The following HTR3B variants were observed in gnomAD, a reference collection of about 807,000 sequenced individuals.
HTR3B encodes 5-hydroxytryptamine receptor 3B.
In HTR3B, 44 loss-of-function variants were observed where a neutral mutation model predicts 42.8. The ratio of observed to expected loss-of-function variants is 1.03; its 90% CI spans 0.81 to 1.32. HTR3B has a LOEUF of 1.32. HTR3B is among the 40% of genes most tolerant of loss of function. The pLI, the probability that HTR3B is intolerant of heterozygous loss-of-function variation, is 0.00. For synonymous variants in HTR3B, 203 were observed against 209.0 expected, an observed-to-expected ratio of 0.97 and a Z score of 0.25; for missense variants, 527 against 536.5, an observed-to-expected ratio of 0.98 and a Z score of 0.17.
Position 113,946,344 on chromosome 11 carries a change from A to G in HTR3B, c.*207A>G, listed in dbSNP as rs1023208337. 2.5e-5 allele frequency: 2 copies of G among 81,116 alleles called. No individual in the cohort carries two copies. The highest frequency in any genetic ancestry group is 5.6e-5 in the Non-Finnish European group (2 of 35,428). 5.0% of individuals were successfully genotyped at this position (81,116 alleles called of 1,614,324 possible). A position where few individuals can be genotyped will look rare whatever the true frequency, so the allele number is the denominator to read the frequency against. ...AGTGAGACCACATCTCTACCAGTAA[A>G]TAAATAAATAAATAAATAAATAAAT... is the stretch of plus-strand genomic sequence containing the variant. On this transcript the variant is annotated 3_prime_UTR_variant, in exon 9 of 9. Transcript: ENST00000260191.
rs545622410 is a variant in HTR3B, at chr11:113,906,452, A to G, written c.52+1467A>G. Among the ~76,000 whole-genome samples the G allele has an allele frequency of 1.7e-4, 26 of 152,278 alleles. No individual in the cohort carries two copies. The South Asian group carries it at 5.2e-3, about 30-fold the overall frequency. ...CCTGTAAGCTAACTTTATTTTGGATATTCATGACAATCAGATAAGACAGCA... is the reference window on the plus strand; with the variant it reads ...CCTGTAAGCTAACTTTATTTTGGATGTTCATGACAATCAGATAAGACAGCA... On this transcript the variant is annotated intron_variant, in intron 1 of 8. Coordinates refer to ENST00000260191, the MANE Select transcript of HTR3B (RefSeq NM_006028.5).
intron 2 of HTR3B, among the ~76,000 whole-genome samples, chr11:113,909,714 G>C (rs1209129573): frequency 6.6e-6 from 1 of 152,148 alleles, no homozygotes; most frequent in Non-Finnish European, 1.5e-5. Context: ...TGGGTGTGGT[G>C]GCTCATGCCT....
intron 2 of HTR3B, among the ~76,000 whole-genome samples, chr11:113,922,053 C>T (rs887736375): frequency 6.6e-6 from 1 of 152,132 alleles, no homozygotes; most frequent in African/African-American, 2.4e-5. Flanking sequence ...GTAAGTCATT[C>T]ATTCTGCTAT....
At chr11:113,937,108 G>A (rs1440497127) in intron 6 of HTR3B, among the ~76,000 whole-genome samples, 1 of 152,156 alleles carries the variant, frequency 6.6e-6, no homozygotes, top group African/African-American at 2.4e-5. Flanking sequence ...GAATTTAAAG[G>A]CACCAGCTCC....
the HTR3B span, among the ~76,000 whole-genome samples, chr11:113,899,766 C>T: frequency 6.6e-6 from 1 of 152,078 alleles, no homozygotes; most frequent in Non-Finnish European, 1.5e-5. Context: ...AGACATCGGT[C>T]GATCTAATAG....
At chr11:113,905,910 G>A (rs1389425631) in intron 1 of HTR3B, among the ~76,000 whole-genome samples, 3 of 151,978 alleles carry the variant, frequency 2.0e-5, no homozygotes, top group African/African-American at 7.3e-5. Flanking sequence ...TAAAAATCCT[G>A]GATGTTGAAC....
intron 6 of HTR3B, among the ~76,000 whole-genome samples, chr11:113,934,202 C>T (rs1006160569): frequency 1.3e-5 from 2 of 152,138 alleles, no homozygotes; most frequent in African/African-American, 2.4e-5. Flanking sequence ...GTCTGGCCAA[C>T]ATGGCAAAAC....
chr11:113,899,763 G>A, the HTR3B span, among the ~76,000 whole-genome samples: 1 of 152,060 alleles, frequency 6.6e-6, no homozygotes, highest in Non-Finnish European at 1.5e-5. Context: ...AAAAGACATC[G>A]GTCGATCTAA....
At position 113,933,101 on chromosome 11, in the gene HTR3B, C is replaced by A. The variant is rs1248197584; in HGVS notation, c.696+8C>A. 2 of 1,609,566 alleles carry A rather than the reference C, an allele frequency of 1.2e-6. No homozygotes were observed. The highest frequency in any genetic ancestry group is 8.5e-7 in the Non-Finnish European group (1 of 1,177,106). On this transcript the variant is annotated splice_region_variant and intron_variant, in intron 6 of 8. Transcript: ENST00000260191. ...GCACAGATTCAGTTTAATGTAGGTT[C>A]TTTACTACCTGTCCCCGTTGCCCGC...
At chr11:113,919,495 G>C (rs938904249) in intron 2 of HTR3B, among the ~76,000 whole-genome samples, 2 of 152,092 alleles carry the variant, frequency 1.3e-5, no homozygotes, top group Admixed American at 1.3e-4. Flanking sequence ...CTGAGAATTA[G>C]GCATTTAAAT....
intron 1 of HTR3B, among the ~76,000 whole-genome samples, chr11:113,906,784 G>A (rs1405770363): frequency 6.6e-6 from 1 of 152,108 alleles, no homozygotes; most frequent in Non-Finnish European, 1.5e-5. Flanking sequence ...TCCCTCATCT[G>A]CAGGAATAGT....
intron 2 of HTR3B, among the ~76,000 whole-genome samples, chr11:113,930,487 C>CTTTTT (rs528919776): frequency 2.5e-5 from 3 of 121,940 alleles, no homozygotes; most frequent in African/African-American, 6.3e-5. Context: ...TTTCTTTTCT[C>CTTTTT]TTTTTTTTTT....
intron 6 of HTR3B, among the ~76,000 whole-genome samples, chr11:113,936,291 GA>G (rs1475005149): frequency 1.3e-5 from 2 of 152,150 alleles, no homozygotes; most frequent in Non-Finnish European, 2.9e-5. Flanking sequence ...GACAGCTGTG[GA>G]AACTAAACCG....
chr11:113,905,685 G>A (rs541598198), intron 1 of HTR3B, among the ~76,000 whole-genome samples: 51 of 151,970 alleles, frequency 3.4e-4, no homozygotes, highest in Non-Finnish European at 6.8e-4. Context: ...TAGTACATGC[G>A]CACAAATCAA....
chr11:113,903,572 G>A (rs2137478189), upstream of HTR3B, among the ~76,000 whole-genome samples: 1 of 151,968 alleles, frequency 6.6e-6, no homozygotes, highest in Admixed American at 6.6e-5. Flanking sequence ...GGGATTACAG[G>A]CATGTGCCAC....
At chr11:113,899,456 A>C in the HTR3B span, among the ~76,000 whole-genome samples, 2 of 152,180 alleles carry the variant, frequency 1.3e-5, no homozygotes, top group East Asian at 3.8e-4. Flanking sequence ...TGCTCAGAAA[A>C]TTTGGTTCCC....
At chr11:113,917,888 C>T (rs1427692876) in intron 2 of HTR3B, among the ~76,000 whole-genome samples, 1 of 152,178 alleles carries the variant, frequency 6.6e-6, no homozygotes, top group Admixed American at 6.5e-5. Context: ...TACAGGTGAG[C>T]CACTGTGCCC....
intron 2 of HTR3B, among the ~76,000 whole-genome samples, chr11:113,913,604 T>C (rs1169719358): frequency 6.6e-6 from 1 of 151,926 alleles, no homozygotes; most frequent in Non-Finnish European, 1.5e-5. Flanking sequence ...AACCTCTGCC[T>C]CCCAGGTTCA....
upstream of HTR3B, among the ~76,000 whole-genome samples, chr11:113,903,127 T>A (rs1276421919): frequency 1.3e-5 from 2 of 152,072 alleles, no homozygotes; most frequent in African/African-American, 4.8e-5. Context: ...TACTTCAACC[T>A]CCCAAAGTAC....
Sources: gnomAD v4.1 joint callset for allele counts (sites outside exome capture counted in the v4.1 genomes callset) on GRCh38, gnomAD v4.1.1 for gene constraint, MANE v1.5 for transcripts, NCBI Gene and HGNC (gene_info 2026-07-23, HGNC 2026-07-21) for gene names.